The following MAP1B variants were observed in gnomAD, a reference collection of about 807,000 sequenced individuals.
The protein encoded by MAP1B is microtubule associated protein 1B.
A neutral mutation model predicts 176.1 loss-of-function variants in MAP1B; 12 were observed. The ratio of observed to expected loss-of-function variants is 0.07; its 90% CI spans 0.04 to 0.11. The LOEUF (loss-of-function observed/expected upper bound fraction) is 0.11, where lower values mean the gene tolerates loss of function less well. MAP1B is among the 10% of genes least tolerant of loss of function. The pLI is 1.00. For missense variants in MAP1B, 2,523 were observed against 2,990.5 expected, an observed-to-expected ratio of 0.84 and a Z score of 3.65; for synonymous variants, 1,044 against 1,135.0, an observed-to-expected ratio of 0.92 and a Z score of 1.61.
Position 72,196,957 on chromosome 5 carries a change from A to G in MAP1B, c.3602A>G (p.Asn1201Ser). 3.1e-6 allele frequency: 5 copies of G among 1,614,216 alleles called. No homozygotes were observed. Among genetic ancestry groups the G allele is most frequent in the South Asian group, 2.2e-5 (2 of 91,082 alleles). ...GATGCCACTGATGGCAAGGATTACA[A>G]TGCTTCAGCCTCTACCATATCACCA... ...KTDATDGKDY[N>S]ASASTISPPS... Residue 1201 changes from asparagine to serine, a missense_variant, in exon 5 of 7, where the codon AAT becomes AGT. Around this residue, in one of 4 missense-constraint regions of MAP1B, gnomAD observed 1,925 missense variants for 2,126.0 expected, o/e 0.91. Transcript: ENST00000296755. The surrounding 1 kb of genome is among the most constrained non-coding windows in gnomAD (Gnocchi z 5.3).
At chr5:72,147,772 T>C (rs1272947835) in intron 2 of MAP1B, among the ~76,000 whole-genome samples, 1 of 152,156 alleles carries the variant, frequency 6.6e-6, no homozygotes, top group African/African-American at 2.4e-5. Flanking sequence ...TGGTTACTAT[T>C]TGATGGAGTG....
intron 2 of MAP1B, among the ~76,000 whole-genome samples, chr5:72,158,790 C>T (rs962492908): frequency 2.6e-5 from 4 of 152,158 alleles, no homozygotes; most frequent in African/African-American, 9.7e-5. Flanking sequence ...GGGCAGAAGA[C>T]ATTTGAATGG....
intron 2 of MAP1B, among the ~76,000 whole-genome samples, chr5:72,130,425 T>C (rs1055541207): frequency 6.6e-6 from 1 of 152,214 alleles, no homozygotes; most frequent in South Asian, 2.1e-4. Flanking sequence ...GCTTAGTATG[T>C]GTATGACAAT....
At chr5:72,159,455 A>G (rs1746289857) in intron 2 of MAP1B, among the ~76,000 whole-genome samples, 1 of 152,164 alleles carries the variant, frequency 6.6e-6, no homozygotes, top group Admixed American at 6.5e-5. Flanking sequence ...GTATGTTAAC[A>G]TAATGAAAAA....
intron 2 of MAP1B, among the ~76,000 whole-genome samples, chr5:72,123,365 G>A (rs1218452380): frequency 6.6e-6 from 1 of 152,092 alleles, no homozygotes. Context: ...GTGCAGTGGT[G>A]CAATTACAGC....
At chr5:72,111,764 C>T (rs543894364) in intron 1 of MAP1B, among the ~76,000 whole-genome samples, 1 of 152,194 alleles carries the variant, frequency 6.6e-6, no homozygotes, top group South Asian at 2.1e-4. Flanking sequence ...TCTCTAAGGG[C>T]TTACTTTAAA....
intron 2 of MAP1B, among the ~76,000 whole-genome samples, chr5:72,147,436 G>C (rs1472254513): frequency 2.6e-5 from 4 of 151,642 alleles, no homozygotes; most frequent in Admixed American, 6.6e-5. Context: ...CAGGTAATAT[G>C]CGTCACTGGA....
At chr5:72,124,995 G>A (rs1293975806) in intron 2 of MAP1B, among the ~76,000 whole-genome samples, 4 of 152,154 alleles carry the variant, frequency 2.6e-5, no homozygotes, top group Non-Finnish European at 2.9e-5. Flanking sequence ...GAACCCAGGC[G>A]AACAATGCTT....
intron 2 of MAP1B, among the ~76,000 whole-genome samples, chr5:72,142,658 A>G (rs1579992684): frequency 6.6e-6 from 1 of 152,152 alleles, no homozygotes; most frequent in African/African-American, 2.4e-5. Context: ...ATAAAAGAAA[A>G]AAGGGATTTT....
At position 72,199,518 on chromosome 5, in the gene MAP1B, TCCA is replaced by T; in HGVS notation, c.6165_6167del (p.Thr2056del). The T allele has an allele frequency of 6.2e-7, 1 of 1,614,150 alleles. No individual in the cohort carries two copies. The highest frequency in any genetic ancestry group is 8.5e-7 in the Non-Finnish European group (1 of 1,180,026). ...GAAAATCACTAGAACCCCTCAGGCA[TCCA>T]CATATTCCTACGAGACTTCAGACCT... On this transcript the variant is annotated inframe_deletion, in exon 5 of 7. Coordinates refer to ENST00000296755, the MANE Select transcript of MAP1B (RefSeq NM_005909.5). This position sits in a 1 kb window ranked among gnomAD's most constrained non-coding sequence, Gnocchi z 4.2.
At chr5:72,126,291 A>G (rs1217437811) in intron 2 of MAP1B, among the ~76,000 whole-genome samples, 2 of 152,196 alleles carry the variant, frequency 1.3e-5, no homozygotes, top group East Asian at 3.8e-4. Context: ...TTTTCTGTAA[A>G]ATAAAGGGAT....
At position 72,195,406 on chromosome 5, in the gene MAP1B, T is replaced by C. The variant is rs1267525776; in HGVS notation, c.2051T>C (p.Val684Ala). The C allele has an allele frequency of 6.5e-7, 1 of 1,537,194 alleles. No homozygotes were observed. The highest frequency in any genetic ancestry group is 1.2e-5 in the South Asian group (1 of 81,730). Residue 684 changes from valine (V) to alanine (A), a missense_variant, in exon 5 of 7, where the codon GTC (valine) becomes GCC (alanine). Val to Ala is a moderately conservative substitution (Grantham distance 64). Coordinates refer to ENST00000296755, the MANE Select transcript of MAP1B (RefSeq NM_005909.5). Reference sequence around the variant, plus strand: ...AAAAAGGAAGAGGTGAAAAAAGAAGTCAAAAAAGAGATCAAGAAAGAAGAG... The same window carrying C: ...AAAAAGGAAGAGGTGAAAAAAGAAGCCAAAAAAGAGATCAAGAAAGAAGAG... ...KPKKEEVKKE[V>A]KKEIKKEEKK...
chr5:72,194,973 G>C lies in MAP1B; in HGVS notation c.1618G>C (p.Asp540His), dbSNP rs1281788412. The part of the protein sequence containing the change: ...VKQTKLKQRA[D>H]SRESLKPAAK... The stretch of plus-strand genomic sequence containing the variant: ...ACAAACAAAACTGAAACAGAGGGCT[G>C]ATAGCCGAGAAAGTCTGAAGCCAGC... Residue 540 changes from aspartate to histidine, a missense_variant, in exon 5 of 7, where the codon GAT becomes CAT. Around this residue, in one of 4 missense-constraint regions of MAP1B, gnomAD observed 1,925 missense variants for 2,126.0 expected, o/e 0.91. Coordinates refer to ENST00000296755, the MANE Select transcript of MAP1B (RefSeq NM_005909.5). This position sits in a 1 kb window ranked among gnomAD's most constrained non-coding sequence, Gnocchi z 7.2. 1.2e-6 allele frequency: 2 copies of C among 1,614,036 alleles called. No homozygotes were observed. Among genetic ancestry groups the C allele is most frequent in the East Asian group, 4.5e-5 (2 of 44,878 alleles).
intron 2 of MAP1B, among the ~76,000 whole-genome samples, chr5:72,153,741 A>T (rs1449795235): frequency 2.6e-5 from 4 of 152,064 alleles, no homozygotes; most frequent in Non-Finnish European, 5.9e-5. Context: ...TTTTGGAAAG[A>T]TTCCTTTCCC....
chr5:72,118,432 A>G (rs1745469661), intron 2 of MAP1B, among the ~76,000 whole-genome samples: 1 of 152,182 alleles, frequency 6.6e-6, no homozygotes, highest in Non-Finnish European at 1.5e-5. Flanking sequence ...CCTACAATAT[A>G]CCAGGCATTA....
chr5:72,199,001 A>G lies in MAP1B; in HGVS notation c.5646A>G (p.Pro1882=), dbSNP rs369020090. The G allele has an allele frequency of 6.2e-7, 1 of 1,614,222 alleles. No homozygotes were observed. ...AGCCTGAGGAAACAACCAGGTCCCCAGATGAAGAAGATTATGACTATGAGT... is the reference window on the plus strand; with the variant it reads ...AGCCTGAGGAAACAACCAGGTCCCCGGATGAAGAAGATTATGACTATGAGT... ...YQKPEETTRS[P]DEEDYDYESY... Residue 1882 remains proline, a synonymous_variant, in exon 5 of 7, where the codon CCA becomes CCG. Coordinates refer to ENST00000296755, the MANE Select transcript of MAP1B (RefSeq NM_005909.5). The surrounding 1 kb of genome is among the most constrained non-coding windows in gnomAD (Gnocchi z 4.2).
intron 2 of MAP1B, among the ~76,000 whole-genome samples, chr5:72,119,525 A>T (rs1042061718): frequency 6.6e-6 from 1 of 152,202 alleles, no homozygotes; most frequent in Non-Finnish European, 1.5e-5. Flanking sequence ...TGTTGTTTTG[A>T]AACAGTCTTA....
At chr5:72,166,283 C>A (rs80205494) in intron 2 of MAP1B, among the ~76,000 whole-genome samples, 2 of 152,118 alleles carry the variant, frequency 1.3e-5, no homozygotes, top group African/African-American at 4.8e-5. Context: ...ATTTCATGAT[C>A]GTCAACAGAA....
chr5:72,163,567 C>A (rs936276250), intron 2 of MAP1B, among the ~76,000 whole-genome samples: 2 of 152,128 alleles, frequency 1.3e-5, no homozygotes, highest in Non-Finnish European at 2.9e-5. Context: ...TTTTTTGCCA[C>A]TTGAGATGAG....
Sources: gnomAD v4.1 joint callset for allele counts (sites outside exome capture counted in the v4.1 genomes callset) on GRCh38, gnomAD v4.1.1 for gene constraint, gnomAD v4.1.1 regional missense constraint, Gnocchi (gnomAD v3.1) non-coding constraint, MANE v1.5 for transcripts, NCBI Gene and HGNC (gene_info 2026-07-23, HGNC 2026-07-21) for gene names.